The following BAP1 variants were observed in gnomAD, a reference collection of about 807,000 sequenced individuals.
The protein encoded by BAP1 is ubiquitin carboxyl-terminal hydrolase BAP1.
A neutral mutation model predicts 77.2 loss-of-function variants in BAP1; 16 were observed. The observed-to-expected ratio is 0.21, with a 90% CI of 0.14 to 0.31. The LOEUF is 0.31. Ranked by LOEUF, BAP1 falls within the 10% of genes least tolerant of loss-of-function variation. The pLI is 1.00. For missense variants in BAP1, 699 were observed against 967.3 expected (o/e 0.72, Z 3.68); for synonymous variants, 362 against 385.2 (o/e 0.94, Z 0.71).
Position 52,402,138 on chromosome 3 carries a change from G to A in BAP1, c.*150C>T, listed in dbSNP as rs1350129422. 3.0e-6 allele frequency: 4 copies of A among 1,332,100 alleles called. No homozygotes were observed. Among genetic ancestry groups the A allele is most frequent in the Non-Finnish European group, 4.1e-6 (4 of 980,132 alleles). The allele number at this position is 1,332,100 out of a possible 1,614,324, so 82.5% of individuals were successfully genotyped here. A position where few individuals can be genotyped will look rare whatever the true frequency, so the allele number is the denominator to read the frequency against. Reference sequence around the variant, plus strand: ...TGTCAGGCCTCAGGGCACGATGGAAGGAATGTGGCCTGGTTCCTCCCATTC... The same window carrying A: ...TGTCAGGCCTCAGGGCACGATGGAAAGAATGTGGCCTGGTTCCTCCCATTC... On this transcript the variant is annotated 3_prime_UTR_variant, in exon 17 of 17. Transcript: ENST00000460680. This position sits in a 1 kb window ranked among gnomAD's most constrained non-coding sequence, Gnocchi z 5.3.
In BAP1 at chr3:52,407,135, G is replaced by C. The variant is rs1420097612; in HGVS notation, c.580+39C>G. On this transcript the variant is annotated intron_variant, in intron 7 of 16. Coordinates refer to ENST00000460680, the MANE Select transcript of BAP1 (RefSeq NM_004656.4). ...TGAGCCCCAGCTCCCTAGGAGGTAG[G>C]CAGAGACACCCAACAGGCCTCCAGC... The C allele has an allele frequency of 5.6e-6, 9 of 1,612,450 alleles. No individual in the cohort carries two copies. The East Asian group carries it at 1.3e-4, about 24-fold the overall frequency.
chr3:52,405,490 A>AAG (rs373808492), intron 10 of BAP1, 196 bp from the exon 11 acceptor site: 11 of 365,382 alleles, frequency 3.0e-5, no homozygotes, highest in Non-Finnish European at 1.5e-5. Context: ...AAGAAGCAGG[A>AAG]AGAAAAAAAA....
intron 3 of BAP1, among the ~76,000 whole-genome samples, chr3:52,409,309 C>T (rs1367797559): frequency 1.3e-5 from 2 of 152,194 alleles, no homozygotes; most frequent in Non-Finnish European, 2.9e-5. Context: ...AGGAAAGCAG[C>T]TGAACCAAAG....
rs887474882 is a variant in BAP1, at chr3:52,401,366, G to A, written c.*922C>T. The A allele has an allele frequency of 1.3e-5, 3 of 233,328 alleles. No individual in the cohort carries two copies. Among genetic ancestry groups the A allele is most frequent in the African/African-American group, 4.4e-5 (2 of 45,318 alleles). The allele number at this position is 233,328 out of a possible 1,614,324, so 14.5% of individuals were successfully genotyped here. ...GGAGTAGCAGGAAGAGCTGAGTGGT[G>A]CCAGCTTCCTATAAGCAACCCTGTC... On this transcript the variant is annotated 3_prime_UTR_variant, in exon 17 of 17. Coordinates refer to ENST00000460680, the MANE Select transcript of BAP1 (RefSeq NM_004656.4).
chr3:52,405,364 C>G (rs2153227126), intron 10 of BAP1, 70 bp from the exon 11 acceptor site: 2 of 1,588,834 alleles, frequency 1.3e-6, no homozygotes, highest in Non-Finnish European at 1.7e-6. Flanking sequence ...GTCTCCCCGG[C>G]CCTGTGAACC....
In BAP1 at chr3:52,403,367, C is replaced by T. The variant is rs2153226542; in HGVS notation, c.1729+49G>A. 6.2e-7 allele frequency: 1 copy of T among 1,612,306 alleles called. No homozygotes were observed. The highest frequency in any genetic ancestry group is 1.7e-5 in the Admixed American group (1 of 60,016). ...TTTGTGGTCACTTGGCCACTTCCCT[C>T]CTCCCTCCTGGGTGCACCAAGTGGC... On this transcript the variant is annotated intron_variant, in intron 13 of 16. Transcript: ENST00000460680. This position sits in a 1 kb window ranked among gnomAD's most constrained non-coding sequence, Gnocchi z 4.0.
At position 52,406,253 on chromosome 3, in the gene BAP1, C is replaced by T. The variant is rs35003777; in HGVS notation, c.783G>A (p.Gln261=). ...NRQTVLEALQ[Q]LIRVTQPELI... ...GAGGCCAGGAAGAAAGGGCACCTAC[C>T]TGCTGCAGAGCCTCTAGTACTGTCT... The change falls in exon 9 of 17, where the codon CAG becomes CAA. Residue 261 remains glutamine (Q), a splice_region_variant and synonymous_variant. Transcript: ENST00000460680. This position sits in a 1 kb window ranked among gnomAD's most constrained non-coding sequence, Gnocchi z 4.6. The T allele has an allele frequency of 7.0e-4, 1,129 of 1,614,166 alleles. 7 individuals carry two copies. In the African/African-American group the frequency reaches 0.013, roughly 19 times the overall value.
rs1705328064 is a variant in BAP1 at position 52,409,998 on chromosome 3, T to TCG, written c.-122_-121dup. The TCG allele has an allele frequency of 7.0e-7, 1 of 1,426,370 alleles. No individual in the cohort carries two copies. The highest frequency in any genetic ancestry group is 1.2e-5 in the South Asian group (1 of 80,248). 88.4% of individuals were successfully genotyped at this position (1,426,370 alleles called of 1,614,324 possible). On this transcript the variant is annotated 5_prime_UTR_variant, in exon 1 of 17. Coordinates refer to ENST00000460680, the MANE Select transcript of BAP1 (RefSeq NM_004656.4). ...TCCCACACACAGACAACGGGCCCAGTCGCGTCACCCGCCCGCGCCGGCGGC... is the reference window on the plus strand; with the variant it reads ...TCCCACACACAGACAACGGGCCCAGTCGCGCGTCACCCGCCCGCGCCGGCGGC...
Position 52,406,038 on chromosome 3 carries a change from A to G in BAP1, c.784-126T>C. ...TACCCATTCACTCACAGGGAAATAAAACACCCAAACCCAAACTTCCTTTTA... is the reference window on the plus strand; with the variant it reads ...TACCCATTCACTCACAGGGAAATAAGACACCCAAACCCAAACTTCCTTTTA... On this transcript the variant is annotated intron_variant, in intron 9 of 16. Coordinates refer to ENST00000460680, the MANE Select transcript of BAP1 (RefSeq NM_004656.4). The surrounding 1 kb of genome is among the most constrained non-coding windows in gnomAD (Gnocchi z 4.6). 1 of 1,519,516 alleles carries G rather than the reference A, an allele frequency of 6.6e-7. No individual in the cohort carries two copies. Among genetic ancestry groups the G allele is most frequent in the Non-Finnish European group, 8.9e-7 (1 of 1,118,058 alleles). The allele number at this position is 1,519,516 out of a possible 1,614,324, so 94.1% of individuals were successfully genotyped here. A position where few individuals can be genotyped will look rare whatever the true frequency, so the allele number is the denominator to read the frequency against.
chr3:52,406,316 C>T lies in BAP1; in HGVS notation c.720G>A (p.Lys240=), dbSNP rs1379682858. Residue 240 remains lysine (K), a synonymous_variant, in exon 9 of 17, where the codon AAG becomes AAA. Transcript: ENST00000460680. This position sits in a 1 kb window ranked among gnomAD's most constrained non-coding sequence, Gnocchi z 4.6. ...TCAGCACATGCAGCCTGGCCTCATA[C>T]TTGATCCTGCGGTCGGGCACCACTG... ...LMAVVPDRRI[K]YEARLHVLKV... 6 of 1,614,112 alleles carry T rather than the reference C, an allele frequency of 3.7e-6. No individual in the cohort carries two copies. Among genetic ancestry groups the T allele is most frequent in the Non-Finnish European group, 5.1e-6 (6 of 1,180,046 alleles).
rs1578226823 is a variant in BAP1, at chr3:52,407,435, G to A, written c.401C>T (p.Ala134Val). 8.1e-6 allele frequency: 13 copies of A among 1,614,208 alleles called. No homozygotes were observed. Among genetic ancestry groups the A allele is most frequent in the Non-Finnish European group, 1.1e-5 (13 of 1,180,042 alleles). ...ATTATGGGCCTTGGCCAACTCCGGG[G>A]CATTGCCAATCGCATATCCTTTGCT... The part of the protein sequence containing the change: ...PESKGYAIGN[A>V]PELAKAHNSH... The change falls in exon 6 of 17, where the codon GCC becomes GTC. Residue 134 changes from alanine (A) to valine (V), a missense_variant. By Grantham distance (64) the Ala-to-Val change is moderately conservative. Transcript: ENST00000460680.
At position 52,404,451 on chromosome 3, in the gene BAP1, A is replaced by C. The variant is rs1559587582; in HGVS notation, c.1250+2T>G. The stretch of plus-strand genomic sequence containing the variant: ...CTGGTAGCCTTAGAAAGCTGGGCTG[A>C]CCTAAGGGCAGAGTTGGTGTTCTGC... On this transcript the variant is annotated splice_donor_variant, in intron 12 of 16. Coordinates refer to ENST00000460680, the MANE Select transcript of BAP1 (RefSeq NM_004656.4). LOFTEE classifies it high-confidence loss of function. 1 of 1,614,222 alleles carries C rather than the reference A, an allele frequency of 6.2e-7. No homozygotes were observed. Among genetic ancestry groups the C allele is most frequent in the Non-Finnish European group, 8.5e-7 (1 of 1,180,038 alleles).
At position 52,402,564 on chromosome 3, in the gene BAP1, C is replaced by A. The variant is rs774286497; in HGVS notation, c.2056+38G>T. ...GGGAGCTGAAGGACACGGCCCTCAG[C>A]AGGGCATTCCAGTTAAGACAGCAGC... On this transcript the variant is annotated intron_variant, in intron 16 of 16. Transcript: ENST00000460680. The surrounding 1 kb of genome is among the most constrained non-coding windows in gnomAD (Gnocchi z 5.3). 10 of 1,613,120 alleles carry A rather than the reference C, an allele frequency of 6.2e-6. No individual in the cohort carries two copies. In the South Asian group the frequency reaches 9.9e-5, roughly 16 times the overall value.
At position 52,409,993 on chromosome 3, in the gene BAP1, C is replaced by G; in HGVS notation, c.-115G>C. The stretch of plus-strand genomic sequence containing the variant: ...CTCAGTCCCACACACAGACAACGGG[C>G]CCAGTCGCGTCACCCGCCCGCGCCG... On this transcript the variant is annotated 5_prime_UTR_variant, in exon 1 of 17. Transcript: ENST00000460680. The G allele has an allele frequency of 6.9e-7, 1 of 1,455,958 alleles. No individual in the cohort carries two copies. Among genetic ancestry groups the G allele is most frequent in the Middle Eastern group, 2.4e-4 (1 of 4,188 alleles). The allele number at this position is 1,455,958 out of a possible 1,614,324, so 90.2% of individuals were successfully genotyped here.
At chr3:52,404,994 G>GCAGCTTGACCCAGC (rs1211512578) in intron 11 of BAP1, 116 bp downstream of exon 11, 14 of 1,411,696 alleles carry the variant, frequency 9.9e-6, no homozygotes, top group Non-Finnish European at 1.4e-5. Flanking sequence ...CCAGGCCCAG[G>GCAGCTTGACCCAGC]CAGCTTGACC....
chr3:52,403,237 G>A lies in BAP1; in HGVS notation c.1791C>T (p.Ser597=), dbSNP rs751730111. 2.4e-5 allele frequency: 38 copies of A among 1,613,998 alleles called. No individual in the cohort carries two copies. The highest frequency in any genetic ancestry group is 3.3e-4 in the Middle Eastern group (2 of 6,084). Residue 597 remains serine (S), a synonymous_variant, in exon 14 of 17, where the codon AGC becomes AGT. Coordinates refer to ENST00000460680, the MANE Select transcript of BAP1 (RefSeq NM_004656.4). The surrounding 1 kb of genome is among the most constrained non-coding windows in gnomAD (Gnocchi z 4.0). ...CTTCCACGACCTCCTTCTCCACTGG[G>A]CTGCTGGACCCCTGGCTGCCTTGGA... ...RPIQGSQGSS[S]PVEKEVVEAT... is the part of the protein sequence containing the mutation.
chr3:52,407,929 T>G (rs1705217578), intron 5 of BAP1, 29 bp downstream of exon 5: 1 of 1,612,776 alleles, frequency 6.2e-7, no homozygotes, highest in African/African-American at 1.3e-5. Context: ...CAGTTGGCTG[T>G]GAGCCAGGAT....
rs969901521 is a variant in BAP1, at chr3:52,408,430, T to C, written c.255+44A>G. ...CATTTCCACTTCCCAAGCAAAAACA[T>C]GGCAGCATCCCACCCTCCAAACAAA... On this transcript the variant is annotated intron_variant, in intron 4 of 16. Coordinates refer to ENST00000460680, the MANE Select transcript of BAP1 (RefSeq NM_004656.4). 5 of 1,602,382 alleles carry C rather than the reference T, an allele frequency of 3.1e-6. No homozygotes were observed. The African/African-American group carries it at 4.0e-5, about 13-fold the overall frequency.
At position 52,407,942 on chromosome 3, in the gene BAP1, A is replaced by T. The variant is rs745645585; in HGVS notation, c.375+16T>A. ...CCCAGTTGGCTGTGAGCCAGGATGA[A>T]GGCACTGCAGCCTACCTCAGGGCTG... On this transcript the variant is annotated intron_variant, in intron 5 of 16. Transcript: ENST00000460680. 1.5e-5 allele frequency: 24 copies of T among 1,613,052 alleles called. No homozygotes were observed. The South Asian group carries it at 2.5e-4, about 17-fold the overall frequency.
Sources: allele counts gnomAD v4.1 joint callset (sites outside exome capture counted in the v4.1 genomes callset), GRCh38; gene constraint gnomAD v4.1.1; non-coding constraint Gnocchi (gnomAD v3.1); transcripts MANE v1.5; gene names NCBI Gene and HGNC (gene_info 2026-07-23, HGNC 2026-07-21).